SMARCA2: variants seen among roughly 807,000 people sequenced by gnomAD.
The protein encoded by SMARCA2 is SWI/SNF related BAF chromatin remodeling complex subunit ATPase 2.
A neutral mutation model predicts 199.8 loss-of-function variants in SMARCA2; 61 were observed. The ratio of observed to expected loss-of-function variants is 0.31; its 90% CI spans 0.25 to 0.38. SMARCA2 has a LOEUF of 0.38. SMARCA2 is among the 10% of genes least tolerant of loss of function. The pLI, the probability that SMARCA2 is intolerant of heterozygous loss-of-function variation, is 1.00. For missense variants in SMARCA2, 1,344 were observed against 2,012.2 expected (o/e 0.67, Z 6.35); for synonymous variants, 935 against 732.0 (o/e 1.28, Z -4.48).
intron 27 of SMARCA2, among the ~76,000 whole-genome samples, chr9:2,151,944 G>A (rs1156885611): frequency 6.6e-6 from 1 of 151,790 alleles, no homozygotes; most frequent in East Asian, 1.9e-4. Flanking sequence ...TAGTATTCAG[G>A]CCAAAGTGTT....
chr9:2,183,952 C>G (rs141235394), intron 31 of SMARCA2, among the ~76,000 whole-genome samples: 59 of 152,312 alleles, frequency 3.9e-4, no homozygotes, highest in East Asian at 5.8e-4. Flanking sequence ...CTCTGACTGT[C>G]TCACAACTGA....
Position 2,192,722 on chromosome 9 carries a change from G to C in SMARCA2, c.4756G>C (p.Gly1586Arg). ...CTTTTAGGAACAGTCAGAAGGAAGTGGGACGGATGATGAGTGATCAGTATG... is the reference window on the plus strand; with the variant it reads ...CTTTTAGGAACAGTCAGAAGGAAGTCGGACGGATGATGAGTGATCAGTATG... ...QDEREQSEGS[G>R]TDDE The change falls in exon 34 of 34, where the codon GGG becomes CGG. Residue 1586 changes from glycine (G) to arginine (R), a missense_variant. Transcript: ENST00000349721. 1 of 1,609,294 alleles carries C rather than the reference G, an allele frequency of 6.2e-7. No individual in the cohort carries two copies. Among genetic ancestry groups the C allele is most frequent in the South Asian group, 1.1e-5 (1 of 90,986 alleles).
intron 10 of SMARCA2, among the ~76,000 whole-genome samples, chr9:2,070,736 T>C (rs1821053842): frequency 6.6e-6 from 1 of 152,266 alleles, no homozygotes; most frequent in Non-Finnish European, 1.5e-5. Context: ...TATAATCGTA[T>C]GTTTACAAAT....
Position 2,016,641 on chromosome 9 carries a change from C to T in SMARCA2, c.-37+1237C>T, listed in dbSNP as rs1272662417. Reference sequence around the variant, plus strand: ...ACCGGGCAGCGGCGGTGTGGTTCGCCCGGGAAGGGGAAGGGCTGCGGTGGG... The same window carrying T: ...ACCGGGCAGCGGCGGTGTGGTTCGCTCGGGAAGGGGAAGGGCTGCGGTGGG... On this transcript the variant is annotated intron_variant, in intron 1 of 33. Coordinates refer to ENST00000349721, the MANE Select transcript of SMARCA2 (RefSeq NM_003070.5). The surrounding 1 kb of genome is among the most constrained non-coding windows in gnomAD (Gnocchi z 5.6). Among the ~76,000 whole-genome samples, 5 of 137,982 alleles carry T rather than the reference C, an allele frequency of 3.6e-5. No homozygotes were observed. In the South Asian group the frequency reaches 8.1e-4, roughly 22 times the overall value. 90.5% of individuals were successfully genotyped at this position (137,982 alleles called of 152,430 possible).
chr9:2,036,952 G>A (rs1208896449), intron 3 of SMARCA2, among the ~76,000 whole-genome samples: 2 of 152,158 alleles, frequency 1.3e-5, no homozygotes, highest in Non-Finnish European at 2.9e-5. Flanking sequence ...CTTATGATTT[G>A]CCATGAGTGA....
At chr9:2,135,705 C>G (rs781759784) in intron 27 of SMARCA2, among the ~76,000 whole-genome samples, 1 of 152,180 alleles carries the variant, frequency 6.6e-6, no homozygotes, top group African/African-American at 2.4e-5. Flanking sequence ...CAATGCCTGG[C>G]TACTTCTTTG....
intron 27 of SMARCA2, among the ~76,000 whole-genome samples, chr9:2,134,278 TACA>T (rs750876167): frequency 1.3e-5 from 2 of 152,228 alleles, no homozygotes; most frequent in Non-Finnish European, 2.9e-5. Context: ...CTGAATATGT[TACA>T]GGACCACAGG....
intron 19 of SMARCA2, among the ~76,000 whole-genome samples, chr9:2,095,132 C>G (rs1469591499): frequency 6.6e-6 from 1 of 150,918 alleles, no homozygotes; most frequent in East Asian, 1.9e-4. Flanking sequence ...GTCACCCAGG[C>G]TGGAGTGCAG....
Position 2,110,291 on chromosome 9 carries a change from G to C in SMARCA2, c.3330G>C (p.Lys1110Asn), listed in dbSNP as rs769305970. ...CTGAAGATCGTGCTGCTTTGCTGAAGAAATTCAATGAACCTGGATCCCAGT... is the reference window on the plus strand; with the variant it reads ...CTGAAGATCGTGCTGCTTTGCTGAACAAATTCAATGAACCTGGATCCCAGT... Reference protein sequence around the residue: ...TKSEDRAALLKKFNEPGSQYF... With the variant: ...TKSEDRAALLNKFNEPGSQYF... Residue 1110 changes from lysine to asparagine, a missense_variant, in exon 24 of 34, where the codon AAG (lysine) becomes AAC (asparagine). Coordinates refer to ENST00000349721, the MANE Select transcript of SMARCA2 (RefSeq NM_003070.5). This position sits in a 1 kb window ranked among gnomAD's most constrained non-coding sequence, Gnocchi z 4.8. 1 of 1,613,572 alleles carries C rather than the reference G, an allele frequency of 6.2e-7. No individual in the cohort carries two copies. Among genetic ancestry groups the C allele is most frequent in the South Asian group, 1.1e-5 (1 of 91,018 alleles).
chr9:2,166,018 A>G (rs185371646), intron 28 of SMARCA2, among the ~76,000 whole-genome samples: 1 of 152,316 alleles, frequency 6.6e-6, no homozygotes, highest in Admixed American at 6.5e-5. Context: ...TTCTAAACAC[A>G]TCACCGTTTC....
chr9:2,037,264 A>G (rs6475422), intron 3 of SMARCA2, among the ~76,000 whole-genome samples: 34,960 of 152,180 alleles, frequency 0.23, 4,279 homozygotes, highest in East Asian at 0.38. Context: ...ACAACATGTC[A>G]GGATTTAAAT....
intron 32 of SMARCA2, among the ~76,000 whole-genome samples, chr9:2,187,773 C>G (rs1467651842): frequency 6.6e-6 from 1 of 152,028 alleles, no homozygotes; most frequent in African/African-American, 2.4e-5. Flanking sequence ...AAGTAAAGTA[C>G]TAAAACCTAT....
At chr9:2,045,375 C>G (rs1177280033) in intron 4 of SMARCA2, 2 of 152,122 alleles carry the variant, frequency 1.3e-5, no homozygotes, top group African/African-American at 2.4e-5. Context: ...AAATCTGTAT[C>G]TCCTCTGACT....
At chr9:2,048,071 T>C (rs951292955) in intron 5 of SMARCA2, 4 of 152,184 alleles carry the variant, frequency 2.6e-5, no homozygotes, top group Non-Finnish European at 5.9e-5. Context: ...TCTGGGGCCA[T>C]ACCGTCTCTG....
intron 29 of SMARCA2, among the ~76,000 whole-genome samples, chr9:2,175,748 A>G (rs1318874546): frequency 1.3e-5 from 2 of 152,170 alleles, no homozygotes; most frequent in African/African-American, 4.8e-5. Context: ...ATAAGAGTAA[A>G]TTATTATTTT....
chr9:2,047,135 C>T (rs1819889260), intron 4 of SMARCA2, 94 bp from the exon 5 acceptor site: 2 of 939,678 alleles, frequency 2.1e-6, no homozygotes, highest in South Asian at 4.9e-5. Flanking sequence ...CTTAATGGTC[C>T]CCAGCACTGG....
intron 5 of SMARCA2, among the ~76,000 whole-genome samples, chr9:2,054,338 A>T (rs568374913): frequency 6.6e-6 from 1 of 152,288 alleles, no homozygotes; most frequent in Admixed American, 6.5e-5. Context: ...ATGCAGGGTG[A>T]ACCTTCTTTC....
rs1182418065 is a variant in SMARCA2, at chr9:2,039,549, C to G, written c.439C>G (p.Gln147Glu). The stretch of plus-strand genomic sequence containing the variant: ...GTCTGGAGGAGGCCCAACTCCACCT[C>G]AGATGCCACCAAGCCAGCCGGGGGC... The part of the protein sequence containing the change: ...PMSGGGPTPP[Q>E]MPPSQPGALI... Residue 147 changes from glutamine (Q) to glutamate (E), a missense_variant, in exon 4 of 34, where the codon CAG becomes GAG. Physicochemically the swap from Gln to Glu is conservative, Grantham distance 29 (BLOSUM62 2). Coordinates refer to ENST00000349721, the MANE Select transcript of SMARCA2 (RefSeq NM_003070.5). The surrounding 1 kb of genome is among the most constrained non-coding windows in gnomAD (Gnocchi z 4.8). The G allele has an allele frequency of 1.2e-6, 2 of 1,614,208 alleles. No homozygotes were observed. Among genetic ancestry groups the G allele is most frequent in the Admixed American group, 1.7e-5 (1 of 60,030 alleles).
chr9:2,148,656 A>G (rs1308091348), intron 27 of SMARCA2, among the ~76,000 whole-genome samples: 1 of 151,226 alleles, frequency 6.6e-6, no homozygotes, highest in East Asian at 1.9e-4. Flanking sequence ...ACACACGCAC[A>G]TGCCACCACA....
Sources: allele counts gnomAD v4.1 joint callset (sites outside exome capture counted in the v4.1 genomes callset), GRCh38; gene constraint gnomAD v4.1.1; non-coding constraint Gnocchi (gnomAD v3.1); transcripts MANE v1.5; gene names NCBI Gene and HGNC (gene_info 2026-07-23, HGNC 2026-07-21).